PPM1L: variants seen among roughly 807,000 people sequenced by gnomAD.
PPM1L encodes the protein protein phosphatase 1L.
Under a neutral mutation model 31.4 loss-of-function variants are expected in PPM1L, and 13 were observed. The observed-to-expected ratio is 0.41, with a 90% CI of 0.27 to 0.66. The LOEUF is 0.66. Among genes scored for constraint, PPM1L ranks in the 30% least tolerant of loss-of-function variants. PPM1L has a pLI of 0.29. For missense variants in PPM1L, 326 were observed against 453.7 expected, an observed-to-expected ratio of 0.72 and a Z score of 2.56; for synonymous variants, 184 against 175.4, an observed-to-expected ratio of 1.05 and a Z score of -0.39.
chr3:161,065,387 C>G lies in PPM1L; in HGVS notation c.575-16C>G, dbSNP rs746056779. 3.7e-6 allele frequency: 6 copies of G among 1,612,844 alleles called. No homozygotes were observed. The highest frequency in any genetic ancestry group is 5.1e-6 in the Non-Finnish European group (6 of 1,179,050). ...ACTGCTGACCTCCCGCGTTCTCTCTCTCTTCTATTTTTCAGGCACAACGTG... is the reference window on the plus strand; with the variant it reads ...ACTGCTGACCTCCCGCGTTCTCTCTGTCTTCTATTTTTCAGGCACAACGTG... On this transcript the variant is annotated splice_polypyrimidine_tract_variant and intron_variant, in intron 2 of 3. Transcript: ENST00000498165.
intron 1 of PPM1L, among the ~76,000 whole-genome samples, chr3:160,809,117 T>C (rs62272824): frequency 0.034 from 5,239 of 152,314 alleles, 136 homozygotes; most frequent in Middle Eastern, 0.12. Context: ...TCTGCCAGCA[T>C]GAGGCTGCTG....
intron 1 of PPM1L, among the ~76,000 whole-genome samples, chr3:160,912,310 A>G (rs138129572): frequency 3.0e-4 from 45 of 152,220 alleles, no homozygotes; most frequent in African/African-American, 1.1e-3. Flanking sequence ...CCTACCTACT[A>G]TAGGTTAGGA....
At chr3:160,872,141 C>T (rs188545199) in intron 1 of PPM1L, among the ~76,000 whole-genome samples, 3 of 152,078 alleles carry the variant, frequency 2.0e-5, no homozygotes, top group Non-Finnish European at 2.9e-5. Flanking sequence ...AATCACTCAC[C>T]GGTTTAAGAA....
At chr3:160,963,424 G>A (rs1425917633) in intron 2 of PPM1L, among the ~76,000 whole-genome samples, 1 of 152,062 alleles carries the variant, frequency 6.6e-6, no homozygotes, top group Non-Finnish European at 1.5e-5. Flanking sequence ...GTAGAAAATA[G>A]ATCTTGCAGA....
intron 1 of PPM1L, among the ~76,000 whole-genome samples, chr3:160,849,698 A>C (rs1283698542): frequency 1.3e-5 from 2 of 150,058 alleles, no homozygotes; most frequent in African/African-American, 2.5e-5. Context: ...ATCTGGGACT[A>C]CAGGCGCCCG....
rs922495816 is a variant in PPM1L at position 160,804,192 on chromosome 3, A to G, written c.399+47485A>G. On this transcript the variant is annotated intron_variant, in intron 1 of 3. Coordinates refer to ENST00000498165, the MANE Select transcript of PPM1L (RefSeq NM_139245.4). Reference sequence around the variant, plus strand: ...CGTGATCCGCCCACCTCAGCCTCTCAAAGTGCTGGGATTACAGGCGTGAGC... The same window carrying G: ...CGTGATCCGCCCACCTCAGCCTCTCGAAGTGCTGGGATTACAGGCGTGAGC... Among the ~76,000 whole-genome samples, 4 of 151,920 alleles carry G rather than the reference A, an allele frequency of 2.6e-5. No individual in the cohort carries two copies. In the South Asian group the frequency reaches 6.2e-4, roughly 24 times the overall value.
chr3:160,848,709 C>T (rs1372406331), intron 1 of PPM1L, among the ~76,000 whole-genome samples: 1 of 152,208 alleles, frequency 6.6e-6, no homozygotes, highest in Non-Finnish European at 1.5e-5. Context: ...ATCTCTGCAG[C>T]TGCCTCCTTG....
intron 2 of PPM1L, among the ~76,000 whole-genome samples, chr3:161,027,752 A>C (rs965529870): frequency 6.6e-6 from 1 of 152,172 alleles, no homozygotes; most frequent in Non-Finnish European, 1.5e-5. Flanking sequence ...CAATCTAAGG[A>C]GCACCAAAAG....
At chr3:160,789,037 T>C (rs1712020923) in intron 1 of PPM1L, among the ~76,000 whole-genome samples, 1 of 151,994 alleles carries the variant, frequency 6.6e-6, no homozygotes, top group South Asian at 2.1e-4. Context: ...CAAAATTCTG[T>C]TGGTATTATT....
At chr3:160,852,268 A>T (rs891817682) in intron 1 of PPM1L, among the ~76,000 whole-genome samples, 1 of 152,190 alleles carries the variant, frequency 6.6e-6, no homozygotes, top group Non-Finnish European at 1.5e-5. Flanking sequence ...AACTAGGACA[A>T]TTCAGTTTTT....
In PPM1L at chr3:161,075,940, A is replaced by G. The variant is rs937089172; in HGVS notation, c.*6783A>G. ...ATTCCATTCACGTTCCAAATCGTGG[A>G]CAGTAAAACTGAAGTCAGATAAACA... On this transcript the variant is annotated 3_prime_UTR_variant, in exon 4 of 4. Transcript: ENST00000498165. The G allele has an allele frequency of 6.6e-6, 1 of 152,164 alleles. No homozygotes were observed. Among genetic ancestry groups the G allele is most frequent in the Admixed American group, 6.5e-5 (1 of 15,274 alleles). 9.4% of individuals were successfully genotyped at this position (152,164 alleles called of 1,614,324 possible). A position where few individuals can be genotyped will look rare whatever the true frequency, so the allele number is the denominator to read the frequency against.
intron 2 of PPM1L, among the ~76,000 whole-genome samples, chr3:160,989,790 G>T (rs1231210804): frequency 6.6e-6 from 1 of 151,954 alleles, no homozygotes; most frequent in African/African-American, 2.4e-5. Context: ...CTCCCAAGTG[G>T]CTGGGACTAC....
chr3:160,823,776 G>A (rs1308760500), intron 1 of PPM1L, among the ~76,000 whole-genome samples: 1 of 152,048 alleles, frequency 6.6e-6, no homozygotes, highest in African/African-American at 2.4e-5. Context: ...TGAAAGTGAG[G>A]CACAGAAAGA....
intron 1 of PPM1L, among the ~76,000 whole-genome samples, chr3:160,844,408 C>G (rs761871644): frequency 6.6e-5 from 10 of 152,130 alleles, no homozygotes; most frequent in Non-Finnish European, 1.0e-4. Flanking sequence ...TCTCACTGAG[C>G]CTCGGCTTCT....
chr3:160,991,963 T>C (rs1043933268), intron 2 of PPM1L, among the ~76,000 whole-genome samples: 2 of 152,188 alleles, frequency 1.3e-5, no homozygotes, highest in Non-Finnish European at 2.9e-5. Context: ...GCTCTTGATG[T>C]GTATTAACTT....
At position 160,808,949 on chromosome 3, in the gene PPM1L, C is replaced by T. The variant is rs138311287; in HGVS notation, c.399+52242C>T. On this transcript the variant is annotated intron_variant, in intron 1 of 3. Transcript: ENST00000498165. ...GATGCCAGCTTTCTTCCCCTACCCC[C>T]ATATGATCTGGGAACTGATTAGATG... 1.8e-3 allele frequency among the ~76,000 whole-genome samples: 267 copies of T among 152,292 alleles called. 1 individual carries two copies. The highest frequency in any genetic ancestry group is 6.2e-3 in the African/African-American group (257 of 41,578).
intron 2 of PPM1L, among the ~76,000 whole-genome samples, chr3:161,044,414 C>T (rs1340673433): frequency 6.6e-6 from 1 of 151,242 alleles, no homozygotes; most frequent in Non-Finnish European, 1.5e-5. Flanking sequence ...GCAAGTTGAG[C>T]ATTGAAAATT....
intron 2 of PPM1L, among the ~76,000 whole-genome samples, chr3:161,010,471 C>T (rs1421421717): frequency 6.6e-6 from 1 of 152,164 alleles, no homozygotes; most frequent in African/African-American, 2.4e-5. Flanking sequence ...GTGAATAGTG[C>T]TGCAATAAAC....
At chr3:160,888,297 T>G (rs193036707) in intron 1 of PPM1L, among the ~76,000 whole-genome samples, 141 of 152,216 alleles carry the variant, frequency 9.3e-4, no homozygotes, top group African/African-American at 3.2e-3. Flanking sequence ...CATCCACATG[T>G]AGAGACACAC....
Sources: allele counts gnomAD v4.1 joint callset (sites outside exome capture counted in the v4.1 genomes callset), GRCh38; gene constraint gnomAD v4.1.1; transcripts MANE v1.5; gene names NCBI Gene and HGNC (gene_info 2026-07-23, HGNC 2026-07-21).